Variants in INO80 observed in about 807,000 individuals in gnomAD.
INO80 encodes INO80 complex ATPase subunit.
Under a neutral mutation model 203.4 loss-of-function variants are expected in INO80, and 20 were observed. The ratio of observed to expected loss-of-function variants is 0.10; its 90% CI spans 0.07 to 0.14. The LOEUF (loss-of-function observed/expected upper bound fraction) is 0.14. INO80 is among the 10% of genes least tolerant of loss of function. INO80 has a pLI of 1.00. For synonymous variants in INO80, 726 were observed against 685.2 expected, an observed-to-expected ratio of 1.06 and a Z score of -0.93; for missense variants, 1,419 against 1,914.4, an observed-to-expected ratio of 0.74 and a Z score of 4.83.
chr15:41,068,703 CA>C (rs2045262526), intron 14 of INO80, among the ~76,000 whole-genome samples: 1 of 151,356 alleles, frequency 6.6e-6, no homozygotes, highest in Non-Finnish European at 1.5e-5. Flanking sequence ...ATTAAAAATA[CA>C]AAACAATTAG....
At chr15:41,037,922 G>A (rs562325275) in intron 24 of INO80, among the ~76,000 whole-genome samples, 13 of 150,606 alleles carry the variant, frequency 8.6e-5, no homozygotes, top group East Asian at 3.9e-4. Context: ...TAGCCTGGGC[G>A]ACAGAGTAAG....
At chr15:41,041,327 G>A (rs1295322732) in intron 24 of INO80, among the ~76,000 whole-genome samples, 2 of 151,994 alleles carry the variant, frequency 1.3e-5, no homozygotes, top group Non-Finnish European at 2.9e-5. Flanking sequence ...CTGGGCTCAA[G>A]CGATCATCCC....
chr15:40,991,859 C>T (rs555237528), intron 29 of INO80, among the ~76,000 whole-genome samples: 27 of 151,970 alleles, frequency 1.8e-4, no homozygotes, highest in Non-Finnish European at 3.2e-4. Context: ...CTGCAAGCTC[C>T]GCCTCCCGAG....
chr15:41,070,609 T>C, intron 12 of INO80, 62 bp from the exon 13 acceptor site: 1 of 1,360,948 alleles, frequency 7.3e-7, no homozygotes, highest in Non-Finnish European at 1.1e-6. Flanking sequence ...TTCAACCTGT[T>C]ACCAAAAAGA....
intron 14 of INO80, among the ~76,000 whole-genome samples, chr15:41,062,997 G>C (rs1448611011): frequency 2.6e-5 from 4 of 152,122 alleles, no homozygotes; most frequent in Admixed American, 2.6e-4. Flanking sequence ...AAAACACTGG[G>C]ACACATTTCT....
At chr15:41,086,825 G>C in intron 6 of INO80, among the ~76,000 whole-genome samples, 1 of 152,082 alleles carries the variant, frequency 6.6e-6, no homozygotes, top group Non-Finnish European at 1.5e-5. Flanking sequence ...AGATCATCAG[G>C]AGGTGATCTA....
At chr15:41,046,014 C>G (rs1359328367) in intron 23 of INO80, among the ~76,000 whole-genome samples, 1 of 151,306 alleles carries the variant, frequency 6.6e-6, no homozygotes, top group African/African-American at 2.4e-5. Context: ...ATTAAACTTC[C>G]CAGAACACTT....
rs374813039 is a variant in INO80 at position 41,092,156 on chromosome 15, G to A, written c.408C>T (p.Ser136=). 7.8e-4 allele frequency: 1,256 copies of A among 1,607,386 alleles called. 28 individuals are homozygous for A. In the South Asian group the frequency reaches 0.013, roughly 16 times the overall value. The change falls in exon 5 of 36, where the codon AGC becomes AGT. Residue 136 remains serine, a synonymous_variant. Coordinates refer to ENST00000648947, the MANE Select transcript of INO80 (RefSeq NM_017553.3). ...LKSILLSDES[S]EADSQSEDDD... is the part of the protein sequence containing the mutation. ...CGTCTTCACTCTGAGAATCAGCCTC[G>A]CTGGATTCATCACTTAGCAGAATGC...
At chr15:40,990,548 A>G (rs945925805) in intron 29 of INO80, among the ~76,000 whole-genome samples, 6 of 152,180 alleles carry the variant, frequency 3.9e-5, no homozygotes, top group Non-Finnish European at 8.8e-5. Flanking sequence ...CTCCATTTTT[A>G]GCACAGGTTA....
At chr15:41,055,219 T>C (rs759344513) in intron 18 of INO80, 28 bp downstream of exon 18, 10 of 1,330,760 alleles carry the variant, frequency 7.5e-6, no homozygotes, top group Middle Eastern at 1.8e-4. Flanking sequence ...GATAGGTAGA[T>C]AGAAAGCCAG....
chr15:40,985,127 G>GTC (rs1893972042), intron 32 of INO80, among the ~76,000 whole-genome samples: 1 of 152,126 alleles, frequency 6.6e-6, no homozygotes, highest in Non-Finnish European at 1.5e-5. Flanking sequence ...TGTGACCACC[G>GTC]TAAGGGTGAG....
chr15:41,069,035 G>C (rs576558988), intron 14 of INO80, among the ~76,000 whole-genome samples: 3 of 152,270 alleles, frequency 2.0e-5, no homozygotes, highest in African/African-American at 7.2e-5. Context: ...GTTTGACCAC[G>C]AGTATCCATT....
At chr15:41,059,817 T>A (rs939896105) in intron 15 of INO80, 50 bp downstream of exon 15, 2 of 1,187,928 alleles carry the variant, frequency 1.7e-6, no homozygotes, top group Non-Finnish European at 2.4e-6. Context: ...ATTAGAGAAA[T>A]AATGACTGCA....
intron 24 of INO80, among the ~76,000 whole-genome samples, chr15:41,042,217 T>C (rs1252376469): frequency 3.3e-5 from 5 of 151,770 alleles, no homozygotes; most frequent in Non-Finnish European, 5.9e-5. Context: ...GGTTTCACCA[T>C]TGGCCAAGCT....
Position 41,050,049 on chromosome 15 carries a change from C to T in INO80, c.2328G>A (p.Gln776=), listed in dbSNP as rs2044841970. 1.9e-6 allele frequency: 3 copies of T among 1,613,726 alleles called. No individual in the cohort carries two copies. The highest frequency in any genetic ancestry group is 8.5e-7 in the Non-Finnish European group (1 of 1,179,762). The part of the protein sequence containing the change: ...QLTSRQKLLY[Q]ALKNKISIED... ...CAATGGAAATTTTGTTCTTTAGTGC[C>T]TGATATAGCAGCTTCTGTCGGCTGG... Residue 776 remains glutamine, a synonymous_variant, in exon 20 of 36, where the codon CAG becomes CAA. Coordinates refer to ENST00000648947, the MANE Select transcript of INO80 (RefSeq NM_017553.3).
intron 25 of INO80, among the ~76,000 whole-genome samples, chr15:41,025,667 G>A (rs2044364671): frequency 6.6e-6 from 1 of 152,048 alleles, no homozygotes; most frequent in Non-Finnish European, 1.5e-5. Context: ...TTCAACCAAG[G>A]TTGTGTCACT....
intron 24 of INO80, among the ~76,000 whole-genome samples, chr15:41,038,007 TTTTC>T (rs1277290333): frequency 2.4e-5 from 3 of 125,126 alleles, no homozygotes; most frequent in Non-Finnish European, 5.1e-5. Flanking sequence ...CCCTCTTCCC[TTTTC>T]TTTTTTTTTT....
At chr15:41,064,210 A>G (rs1207459264) in intron 14 of INO80, among the ~76,000 whole-genome samples, 1 of 152,216 alleles carries the variant, frequency 6.6e-6, no homozygotes, top group Non-Finnish European at 1.5e-5. Flanking sequence ...TCCAATACAC[A>G]AAGGACATAT....
intron 24 of INO80, among the ~76,000 whole-genome samples, chr15:41,031,122 A>C (rs1360687520): frequency 1.3e-5 from 2 of 152,180 alleles, no homozygotes; most frequent in Non-Finnish European, 2.9e-5. Flanking sequence ...AGAAACCCTG[A>C]CTACCCCTAG....
Sources: gnomAD v4.1 joint callset for allele counts (sites outside exome capture counted in the v4.1 genomes callset) on GRCh38, gnomAD v4.1.1 for gene constraint, MANE v1.5 for transcripts, NCBI Gene and HGNC (gene_info 2026-07-23, HGNC 2026-07-21) for gene names.